The following MRRF variants were observed in gnomAD, a reference collection of about 807,000 sequenced individuals.
MRRF encodes mitochondrial ribosome recycling factor.
MRRF carries 18 observed loss-of-function variants against 25.1 expected under a neutral mutation model. The ratio of observed to expected loss-of-function variants is 0.72; its 90% CI spans 0.50 to 1.06. The LOEUF (loss-of-function observed/expected upper bound fraction) is 1.06, where lower values mean the gene tolerates loss of function less well. MRRF is among the 50% of genes least tolerant of loss of function. MRRF has a pLI of 0.00. For synonymous variants in MRRF, 113 were observed against 112.1 expected (o/e 1.01, Z -0.05); for missense variants, 323 against 319.3 (o/e 1.01, Z -0.09).
chr9:122,292,833 C>T (rs928869957), intron 5 of MRRF, among the ~76,000 whole-genome samples: 4 of 152,152 alleles, frequency 2.6e-5, no homozygotes, highest in Admixed American at 6.5e-5. Context: ...ACATCTTCTC[C>T]GATTCCACAG....
At position 122,322,668 on chromosome 9, in the gene MRRF, A is replaced by G. The variant is rs1835962216; in HGVS notation, c.*51A>G. The G allele has an allele frequency of 9.0e-6, 14 of 1,547,434 alleles. No homozygotes were observed. The highest frequency in any genetic ancestry group is 1.4e-5 in the African/African-American group (1 of 73,632). Reference sequence around the variant, plus strand: ...CAGAGCCCAGTTTCTGCTGGATCCCATGGGTGGCACATTGGGACTTCTCTC... The same window carrying G: ...CAGAGCCCAGTTTCTGCTGGATCCCGTGGGTGGCACATTGGGACTTCTCTC... On this transcript the variant is annotated 3_prime_UTR_variant, in exon 7 of 7. Coordinates refer to ENST00000344641, the MANE Select transcript of MRRF (RefSeq NM_138777.5).
chr9:122,309,912 A>G (rs1183353927), intron 5 of MRRF, among the ~76,000 whole-genome samples: 4 of 152,250 alleles, frequency 2.6e-5, no homozygotes, highest in African/African-American at 4.8e-5. Context: ...TCATCTTGCC[A>G]TAGCATAGAT....
chr9:122,308,329 C>A (rs1479886005), intron 5 of MRRF, among the ~76,000 whole-genome samples: 1 of 150,744 alleles, frequency 6.6e-6, no homozygotes, highest in Non-Finnish European at 1.5e-5. Context: ...CAAATCTGAT[C>A]AAGTTTCTTC....
chr9:122,302,847 T>C (rs1394378828), intron 5 of MRRF, among the ~76,000 whole-genome samples: 1 of 152,190 alleles, frequency 6.6e-6, no homozygotes, highest in Admixed American at 6.5e-5. Context: ...TATATGAGGA[T>C]TTCAGTTTCT....
At chr9:122,309,138 A>G (rs1050839402) in intron 5 of MRRF, among the ~76,000 whole-genome samples, 1 of 152,092 alleles carries the variant, frequency 6.6e-6, no homozygotes, top group African/African-American at 2.4e-5. Flanking sequence ...ATCATACAAT[A>G]TGTGTCTCTG....
At chr9:122,265,721 A>G in intron 1 of MRRF, 1 of 1,285,976 alleles carries the variant, frequency 7.8e-7, no homozygotes, top group Non-Finnish European at 1.0e-6. Context: ...GAGCTGCCGC[A>G]AATGCTTTTT....
chr9:122,279,634 A>C (rs1319998706), intron 2 of MRRF, among the ~76,000 whole-genome samples: 1 of 152,250 alleles, frequency 6.6e-6, no homozygotes, highest in Non-Finnish European at 1.5e-5. Flanking sequence ...CTATGTATAC[A>C]CCTAGAATGT....
intron 5 of MRRF, among the ~76,000 whole-genome samples, chr9:122,302,635 T>TG (rs1834545965): frequency 6.6e-6 from 1 of 152,218 alleles, no homozygotes; most frequent in African/African-American, 2.4e-5. Context: ...TTTTCTACTT[T>TG]GGGGCTGTTA....
chr9:122,322,140 C>T (rs1420510341), intron 6 of MRRF, among the ~76,000 whole-genome samples: 3 of 152,090 alleles, frequency 2.0e-5, no homozygotes, highest in Non-Finnish European at 4.4e-5. Flanking sequence ...GCAGGAGGAT[C>T]ACGAGGTCAG....
At chr9:122,303,914 T>C (rs1365179482) in intron 5 of MRRF, among the ~76,000 whole-genome samples, 1 of 152,204 alleles carries the variant, frequency 6.6e-6, no homozygotes, top group Non-Finnish European at 1.5e-5. Context: ...AGCTGCTATA[T>C]TGCCTTGTGG....
At chr9:122,276,413 T>G (rs1188798490) in intron 2 of MRRF, among the ~76,000 whole-genome samples, 1 of 152,190 alleles carries the variant, frequency 6.6e-6, no homozygotes, top group Non-Finnish European at 1.5e-5. Context: ...GCCTTGGCCT[T>G]CCAGAGCGCT....
At chr9:122,311,027 CTT>C (rs1397738274) in intron 5 of MRRF, among the ~76,000 whole-genome samples, 2 of 152,188 alleles carry the variant, frequency 1.3e-5, no homozygotes, top group East Asian at 3.8e-4. Context: ...ATGCTGCTCT[CTT>C]TATTGGTACT....
In MRRF at chr9:122,322,881, T is replaced by C; in HGVS notation, c.*264T>C. On this transcript the variant is annotated 3_prime_UTR_variant, in exon 7 of 7. Coordinates refer to ENST00000344641, the MANE Select transcript of MRRF (RefSeq NM_138777.5). ...TACTCAGGCATTTGCTTTGACTTGA[T>C]GTTGCCAAGGGACTGAGGCCATTGG... The C allele has an allele frequency of 1.8e-6, 1 of 558,664 alleles. No individual in the cohort carries two copies. The highest frequency in any genetic ancestry group is 2.0e-5 in the South Asian group (1 of 50,166). 34.6% of individuals were successfully genotyped at this position (558,664 alleles called of 1,614,324 possible).
At chr9:122,318,434 A>C (rs1171663370) in intron 6 of MRRF, among the ~76,000 whole-genome samples, 2 of 152,250 alleles carry the variant, frequency 1.3e-5, no homozygotes, top group African/African-American at 4.8e-5. Flanking sequence ...CCTGAGAAAC[A>C]GTGCTGCTCT....
chr9:122,307,631 C>A (rs182651456), intron 5 of MRRF, among the ~76,000 whole-genome samples: 1 of 152,308 alleles, frequency 6.6e-6, no homozygotes, highest in East Asian at 1.9e-4. Flanking sequence ...CCCATTATTT[C>A]ATTTAATCCT....
At chr9:122,280,412 T>C (rs769605067) in intron 2 of MRRF, 31 bp from the exon 3 acceptor site, 17 of 1,613,558 alleles carry the variant, frequency 1.1e-5, no homozygotes, top group South Asian at 8.8e-5. Context: ...TATGCTGCTG[T>C]TGTTTTATTC....
intron 6 of MRRF, among the ~76,000 whole-genome samples, chr9:122,315,661 TA>T (rs1835469147): frequency 1.3e-5 from 2 of 152,020 alleles, no homozygotes; most frequent in East Asian, 3.9e-4. Context: ...CAGGCCTCAT[TA>T]ATAGTCTGGG....
intron 6 of MRRF, among the ~76,000 whole-genome samples, chr9:122,318,659 G>T (rs1835686187): frequency 6.6e-6 from 1 of 152,188 alleles, no homozygotes; most frequent in Non-Finnish European, 1.5e-5. Context: ...GAATTTGTAA[G>T]TAGCAAATGT....
chr9:122,319,857 A>G (rs990942728), intron 6 of MRRF, among the ~76,000 whole-genome samples: 1 of 150,406 alleles, frequency 6.6e-6, no homozygotes. Context: ...GTAAAATGTT[A>G]GTAAATATTT....
Sources: gnomAD v4.1 joint callset for allele counts (sites outside exome capture counted in the v4.1 genomes callset) on GRCh38, gnomAD v4.1.1 for gene constraint, MANE v1.5 for transcripts, NCBI Gene and HGNC (gene_info 2026-07-23, HGNC 2026-07-21) for gene names.